ZNF500: variants seen among roughly 807,000 people sequenced by gnomAD.
The protein encoded by ZNF500 is zinc finger protein with KRAB and SCAN domains 18.
In ZNF500, 31 loss-of-function variants were observed where a neutral mutation model predicts 30.1. The ratio of observed to expected loss-of-function variants is 1.03; its 90% CI spans 0.77 to 1.39. The LOEUF (loss-of-function observed/expected upper bound fraction) is 1.39. Ranked by LOEUF, ZNF500 falls within the 40% of genes most tolerant of loss-of-function variation. ZNF500 has a pLI of 0.00. For missense variants in ZNF500, 817 were observed against 657.8 expected (o/e 1.24, Z -2.65); for synonymous variants, 392 against 282.0 (o/e 1.39, Z -3.91).
rs916423253 is a variant in ZNF500 at position 4,748,494 on chromosome 16, T to G, written c.*3882A>C. On this transcript the variant is annotated 3_prime_UTR_variant, in exon 6 of 6. Coordinates refer to ENST00000219478, the MANE Select transcript of ZNF500 (RefSeq NM_021646.4). ...GAATACTGGAAACCCCTGGAAATGC[T>G]GTCCTGTGTAGAATGGAGCAGCGGC... The G allele has an allele frequency of 6.6e-6, 1 of 152,266 alleles. No homozygotes were observed. Among genetic ancestry groups the G allele is most frequent in the South Asian group, 2.1e-4 (1 of 4,834 alleles). The allele number at this position is 152,266 out of a possible 1,614,324, so 9.4% of individuals were successfully genotyped here.
chr16:4,766,342 G>A (rs1298627674), intron 1 of ZNF500, among the ~76,000 whole-genome samples: 2 of 152,224 alleles, frequency 1.3e-5, no homozygotes, highest in Admixed American at 6.5e-5. Flanking sequence ...TAAAAGGGAT[G>A]GCTGGGGGCA....
rs1357345775 is a variant in ZNF500 at position 4,752,765 on chromosome 16, G to A, written c.1054C>T (p.Pro352Ser). The change falls in exon 6 of 6, where the codon CCT (proline) becomes TCT (serine). Residue 352 changes from proline (P) to serine (S), a missense_variant. Physicochemically the swap from Pro to Ser is moderately conservative, Grantham distance 74 (BLOSUM62 -1). Transcript: ENST00000219478. ...KHQRTHTGER[P>S]YKCLVCGKGF... is the part of the protein sequence containing the mutation. ...TTCCCACAGACTAGGCACTTGTAAG[G>A]CCGCTCGCCCGTGTGTGTGCGCTGG... 3 of 1,614,194 alleles carry A rather than the reference G, an allele frequency of 1.9e-6. No homozygotes were observed. Among genetic ancestry groups the A allele is most frequent in the Non-Finnish European group, 2.5e-6 (3 of 1,180,026 alleles).
Position 4,752,984 on chromosome 16 carries a change from G to A in ZNF500, c.835C>T (p.Leu279Phe). Residue 279 changes from leucine (L) to phenylalanine (F), a missense_variant, in exon 6 of 6, where the codon CTC becomes TTC. By Grantham distance (22) the Leu-to-Phe change is conservative (BLOSUM62 0). Transcript: ENST00000219478. ...CCAGGCCCCTGGCATCGTGCCGAGA[G>A]CACTCGGTACCACTCCATTCTCAAC... is the stretch of plus-strand genomic sequence containing the variant. The part of the protein sequence containing the change: ...APLRMEWYRV[L>F]SARCQGPGHP... The A allele has an allele frequency of 1.2e-6, 2 of 1,602,436 alleles. No individual in the cohort carries two copies. Among genetic ancestry groups the A allele is most frequent in the African/African-American group, 1.3e-5 (1 of 74,882 alleles).
rs60815506 is a variant in ZNF500 at position 4,763,850 on chromosome 16, T to C, written c.415-1094A>G. On this transcript the variant is annotated intron_variant, in intron 2 of 5. Coordinates refer to ENST00000219478, the MANE Select transcript of ZNF500 (RefSeq NM_021646.4). ...GGTCAGCTCACGCCGTGGTCAAGCATTAGGGGATGTGCCTCCTCTGTTGGC... is the reference window on the plus strand; with the variant it reads ...GGTCAGCTCACGCCGTGGTCAAGCACTAGGGGATGTGCCTCCTCTGTTGGC... 6,524 of 985,376 alleles carry C rather than the reference T, an allele frequency of 6.6e-3. 350 individuals are homozygous for C. The African/African-American group carries it at 0.11, about 16-fold the overall frequency. The allele number at this position is 985,376 out of a possible 1,614,324, so 61.0% of individuals were successfully genotyped here.
intron 2 of ZNF500, chr16:4,763,494 A>G (rs2082230352): frequency 5.3e-6 from 5 of 945,896 alleles, no homozygotes; most frequent in Non-Finnish European, 6.3e-6. Flanking sequence ...AGTTGAATGA[A>G]ATTGGGTCTT....
Position 4,765,729 on chromosome 16 carries a change from G to C in ZNF500, c.250C>G (p.Arg84Gly). 1 of 1,613,374 alleles carries C rather than the reference G, an allele frequency of 6.2e-7. No individual in the cohort carries two copies. Among genetic ancestry groups the C allele is most frequent in the Non-Finnish European group, 8.5e-7 (1 of 1,179,942 alleles). Reference sequence around the variant, plus strand: ...AGCTCCAGGATCTGCTCCTTGGTGCGCAGCTCCGGCCGCAGCCAGCGGCAG... The same window carrying C: ...AGCTCCAGGATCTGCTCCTTGGTGCCCAGCTCCGGCCGCAGCCAGCGGCAG... ...LCCRWLRPELRTKEQILELLV... is the reference protein window; with the variant it reads ...LCCRWLRPELGTKEQILELLV... Residue 84 changes from arginine (R) to glycine (G), a missense_variant, in exon 2 of 6, where the codon CGC becomes GGC. Transcript: ENST00000219478.
chr16:4,761,985 C>CT (rs2082206941), intron 4 of ZNF500, among the ~76,000 whole-genome samples: 1 of 152,180 alleles, frequency 6.6e-6, no homozygotes, highest in African/African-American at 2.4e-5. Flanking sequence ...CAAGAGATTC[C>CT]TGTGCCCAGC....
intron 5 of ZNF500, among the ~76,000 whole-genome samples, chr16:4,757,631 C>T (rs2082150505): frequency 6.6e-6 from 1 of 151,880 alleles, no homozygotes; most frequent in South Asian, 2.1e-4. Context: ...GAAACGGAGT[C>T]TTGCTCTGTT....
At chr16:4,746,233 C>G, downstream of ZNF500, 1 of 902,350 alleles carries the variant, frequency 1.1e-6, no homozygotes, top group Admixed American at 2.6e-5. Context: ...AGTAAAAGAG[C>G]AAATGTGTTT....
At chr16:4,756,023 A>G (rs567567762) in intron 5 of ZNF500, among the ~76,000 whole-genome samples, 16 of 152,288 alleles carry the variant, frequency 1.1e-4, no homozygotes, top group African/African-American at 3.1e-4. Context: ...CAGAGCAGAC[A>G]GGTGGCTGCC....
chr16:4,753,515 A>G (rs1037844655), intron 5 of ZNF500, among the ~76,000 whole-genome samples: 2 of 152,234 alleles, frequency 1.3e-5, no homozygotes, highest in Non-Finnish European at 2.9e-5. Flanking sequence ...GACCATCACA[A>G]TAACCCAGTG....
chr16:4,766,428 T>C (rs948770749), intron 1 of ZNF500, among the ~76,000 whole-genome samples: 1 of 152,148 alleles, frequency 6.6e-6, no homozygotes, highest in African/African-American at 2.4e-5. Context: ...GTTGACCACC[T>C]GGTCAACGTG....
rs898553355 is a variant in ZNF500, at chr16:4,749,767, C to G, written c.*2609G>C. The G allele has an allele frequency of 1.3e-5, 2 of 152,298 alleles. No homozygotes were observed. Among genetic ancestry groups the G allele is most frequent in the East Asian group, 3.8e-4 (2 of 5,200 alleles). 9.4% of individuals were successfully genotyped at this position (152,298 alleles called of 1,614,324 possible). On this transcript the variant is annotated 3_prime_UTR_variant, in exon 6 of 6. Transcript: ENST00000219478. ...GGTGGAGGTTGTGGTGAGCCAAGAT[C>G]GTGCCTTGCACTCCAGCCTGGGTAA...
intron 4 of ZNF500, 48 bp from the exon 5 acceptor site, chr16:4,760,636 C>A: frequency 1.3e-6 from 2 of 1,562,106 alleles, no homozygotes; most frequent in Non-Finnish European, 1.8e-6. Context: ...AAGCTGCCTC[C>A]TCCCCAACTA....
chr16:4,760,632 C>T (rs780712457), intron 4 of ZNF500, 44 bp from the exon 5 acceptor site: 4 of 1,572,922 alleles, frequency 2.5e-6, no homozygotes, highest in Non-Finnish European at 3.5e-6. Context: ...AAGCAAGCTG[C>T]CTCCTCCCCA....
chr16:4,752,410 G>C lies in ZNF500; in HGVS notation c.1409C>G (p.Pro470Arg), dbSNP rs539230897. 1 of 1,523,188 alleles carries C rather than the reference G, an allele frequency of 6.6e-7. No individual in the cohort carries two copies. Among genetic ancestry groups the C allele is most frequent in the Admixed American group, 2.1e-5 (1 of 48,088 alleles). The allele number at this position is 1,523,188 out of a possible 1,614,324, so 94.4% of individuals were successfully genotyped here. The change falls in exon 6 of 6, where the codon CCG (proline) becomes CGG (arginine). Residue 470 changes from proline to arginine, a missense_variant. Physicochemically the swap from Pro to Arg is moderately radical, Grantham distance 103. Coordinates refer to ENST00000219478, the MANE Select transcript of ZNF500 (RefSeq NM_021646.4). Reference protein sequence around the residue: ...MGAGSLPTLQPVAPGGPGAKA With the variant: ...MGAGSLPTLQRVAPGGPGAKA ...GGCACCGGGGCCTCCAGGAGCCACC[G>C]GCTGGAGCGTCGGCAAGGAGCCTGC... is the stretch of plus-strand genomic sequence containing the variant.
At chr16:4,761,410 A>G (rs1320756064) in intron 4 of ZNF500, among the ~76,000 whole-genome samples, 2 of 151,852 alleles carry the variant, frequency 1.3e-5, no homozygotes, top group African/African-American at 2.4e-5. Flanking sequence ...ATTGCACTCC[A>G]GCCTGGGCAA....
chr16:4,746,826 T>C (rs2082023224), downstream of ZNF500: 8 of 1,141,486 alleles, frequency 7.0e-6, no homozygotes, highest in Middle Eastern at 2.1e-4. Context: ...GCTGACCTCT[T>C]GCATTGGGTC....
Position 4,762,291 on chromosome 16 carries a change from A to G in ZNF500, c.643T>C (p.Phe215Leu). 6.2e-7 allele frequency: 1 copy of G among 1,611,722 alleles called. No homozygotes were observed. The highest frequency in any genetic ancestry group is 8.5e-7 in the Non-Finnish European group (1 of 1,179,040). Residue 215 changes from phenylalanine to leucine, a missense_variant, in exon 4 of 6, where the codon TTC (phenylalanine) becomes CTC (leucine). Phe to Leu is a conservative substitution (Grantham distance 22). Coordinates refer to ENST00000219478, the MANE Select transcript of ZNF500 (RefSeq NM_021646.4). ...RHQEMASASPFLSAWSQVPVN... is the reference protein window; with the variant it reads ...RHQEMASASPLLSAWSQVPVN... ...CTCACCTGGGACCAGGCCGAAAGGAAGGGCGAGGCTGACGCCATCTCCTGA... is the reference window on the plus strand; with the variant it reads ...CTCACCTGGGACCAGGCCGAAAGGAGGGGCGAGGCTGACGCCATCTCCTGA...
Sources: allele counts gnomAD v4.1 joint callset (sites outside exome capture counted in the v4.1 genomes callset), GRCh38; gene constraint gnomAD v4.1.1; transcripts MANE v1.5; gene names NCBI Gene and HGNC (gene_info 2026-07-23, HGNC 2026-07-21).